The following MAP4K2 variants were observed in gnomAD, a reference collection of about 807,000 sequenced individuals.
The protein encoded by MAP4K2 is mitogen-activated protein kinase kinase kinase kinase 2.
Under a neutral mutation model 125.3 loss-of-function variants are expected in MAP4K2, and 85 were observed. The observed-to-expected ratio is 0.68, with a 90% confidence interval of 0.57 to 0.81. The LOEUF is 0.81. Among genes scored for constraint, MAP4K2 ranks in the 40% least tolerant of loss-of-function variants. The pLI is 0.00. For missense variants in MAP4K2, 923 were observed against 1,056.4 expected, an observed-to-expected ratio of 0.87 and a Z score of 1.75; for synonymous variants, 479 against 445.1, an observed-to-expected ratio of 1.08 and a Z score of -0.96.
At position 64,790,260 on chromosome 11, in the gene MAP4K2, C is replaced by T; in HGVS notation, c.2176G>A (p.Val726Ile). Reference protein sequence around the residue: ...LVSFERCVRIVNMQGEPTATL... With the variant: ...LVSFERCVRIINMQGEPTATL... The stretch of plus-strand genomic sequence containing the variant: ...GCCGTGGGCTCGCCCTGCATGTTGA[C>T]AATCCTCACACAGCCTGCACAGGGA... The change falls in exon 29 of 32, where the codon GTC becomes ATC. Residue 726 changes from valine (V) to isoleucine (I), a missense_variant. Around this residue, in one of 2 missense-constraint regions of MAP4K2, gnomAD observed 90 missense variants for 144.9 expected, o/e 0.62. Transcript: ENST00000294066. 1 of 1,614,158 alleles carries T rather than the reference C, an allele frequency of 6.2e-7. No homozygotes were observed. The highest frequency in any genetic ancestry group is 1.1e-5 in the South Asian group (1 of 91,084).
intron 24 of MAP4K2, 70 bp downstream of exon 24, chr11:64,796,203 T>C (rs1034168448): frequency 7.4e-7 from 1 of 1,356,670 alleles, no homozygotes; most frequent in Non-Finnish European, 1.0e-6. Context: ...TCCCAGGAAC[T>C]GGCAAGGCCA....
intron 24 of MAP4K2, among the ~76,000 whole-genome samples, chr11:64,795,304 A>T (rs2136042964): frequency 6.6e-6 from 1 of 151,552 alleles, no homozygotes; most frequent in Non-Finnish European, 1.5e-5. Flanking sequence ...GGCTGGTCGT[A>T]AACTCCTGAC....
intron 15 of MAP4K2, among the ~76,000 whole-genome samples, chr11:64,798,164 G>A (rs965957011): frequency 6.6e-6 from 1 of 150,760 alleles, no homozygotes; most frequent in Non-Finnish European, 1.5e-5. Flanking sequence ...GCTAACTTTT[G>A]TTTGTTTATT....
intron 24 of MAP4K2, among the ~76,000 whole-genome samples, chr11:64,794,659 C>T (rs753012963): frequency 1.3e-5 from 2 of 152,158 alleles, no homozygotes; most frequent in Non-Finnish European, 2.9e-5. Context: ...TGCCTGGCCC[C>T]CAGGCAAACT....
rs760268207 is a variant in MAP4K2, at chr11:64,803,169, C to G, written c.-20G>C. The G allele has an allele frequency of 5.9e-6, 7 of 1,190,864 alleles. No individual in the cohort carries two copies. The highest frequency in any genetic ancestry group is 5.2e-6 in the Non-Finnish European group (5 of 955,938). 73.8% of individuals were successfully genotyped at this position (1,190,864 alleles called of 1,614,324 possible). ...CGCCATGGCCCGGCGCCGGGCGGGC[C>G]GGCAGGCGGGCGGGCGCGAGCTGCG... On this transcript the variant is annotated 5_prime_UTR_variant, in exon 1 of 32. Coordinates refer to ENST00000294066, the MANE Select transcript of MAP4K2 (RefSeq NM_004579.5).
In MAP4K2 at chr11:64,797,927, G is replaced by A. The variant is rs548431635; in HGVS notation, c.1098-263C>T. On this transcript the variant is annotated intron_variant, in intron 15 of 31. Coordinates refer to ENST00000294066, the MANE Select transcript of MAP4K2 (RefSeq NM_004579.5). ...TCACCGTGTTAGCCAGGATGGTTTC[G>A]ATCTCCTGCCCTTGTGATCCGCCCA... is the stretch of plus-strand genomic sequence containing the variant. Among the ~76,000 whole-genome samples, 6 of 150,620 alleles carry A rather than the reference G, an allele frequency of 4.0e-5. No individual in the cohort carries two copies. The South Asian group carries it at 8.4e-4, about 21-fold the overall frequency.
chr11:64,790,092 G>C (rs1009660615), intron 29 of MAP4K2, 96 bp downstream of exon 29: 5 of 1,533,742 alleles, frequency 3.3e-6, no homozygotes, highest in Non-Finnish European at 4.5e-6. Context: ...GGGGCTAGGG[G>C]ATCTGCCTCC....
At position 64,786,545 on chromosome 11, in the gene MAP4K2, G is replaced by A. The variant is rs1940202823; in HGVS notation, c.*2992C>T. The A allele has an allele frequency of 6.6e-6, 1 of 152,162 alleles. No homozygotes were observed. Among genetic ancestry groups the A allele is most frequent in the Non-Finnish European group, 1.5e-5 (1 of 68,044 alleles). 9.4% of individuals were successfully genotyped at this position (152,162 alleles called of 1,614,324 possible). ...TTTCACCAGGATGACTCCGGGTATG[G>A]GCCAGTTACCTGAACATCCTGGGGG... On this transcript the variant is annotated 3_prime_UTR_variant, in exon 32 of 32. Coordinates refer to ENST00000294066, the MANE Select transcript of MAP4K2 (RefSeq NM_004579.5).
Position 64,792,405 on chromosome 11 carries a change from G to A in MAP4K2, c.1769C>T (p.Thr590Ile). Residue 590 changes from threonine to isoleucine, a missense_variant, in exon 25 of 32, where the codon ACC becomes ATC. Thr to Ile is a moderately conservative substitution (Grantham distance 89, BLOSUM62 -1). Around this residue, in one of 2 missense-constraint regions of MAP4K2, gnomAD observed 833 missense variants for 911.4 expected, o/e 0.91. Transcript: ENST00000294066. The part of the protein sequence containing the change: ...RIIPRRFALS[T>I]KIPDTKGCLQ... ...GCAGCCTTTGGTGTCAGGAATCTTG[G>A]TGGACAGAGCAAAGCGCCTGTAGGG... 6.3e-7 allele frequency: 1 copy of A among 1,589,002 alleles called. No homozygotes were observed. Among genetic ancestry groups the A allele is most frequent in the Non-Finnish European group, 8.6e-7 (1 of 1,167,932 alleles).
chr11:64,792,758 CAG>C, intron 24 of MAP4K2, among the ~76,000 whole-genome samples: 1 of 152,314 alleles, frequency 6.6e-6, no homozygotes, highest in Admixed American at 6.5e-5. Context: ...GGCCCCACCC[CAG>C]AGAGTCACAG....
intron 24 of MAP4K2, among the ~76,000 whole-genome samples, chr11:64,794,541 C>T (rs1940679256): frequency 6.6e-6 from 1 of 151,892 alleles, no homozygotes; most frequent in Non-Finnish European, 1.5e-5. Flanking sequence ...TGTATTTTTA[C>T]TAGGGACGGG....
At chr11:64,796,582 G>A in intron 22 of MAP4K2, 29 bp from the exon 23 acceptor site, 1 of 1,613,872 alleles carries the variant, frequency 6.2e-7, no homozygotes. Flanking sequence ...CAGATGGTCA[G>A]CACCCCAGGC....
At position 64,790,410 on chromosome 11, in the gene MAP4K2, G is replaced by A; in HGVS notation, c.2145C>T (p.Ile715=). 6.2e-7 allele frequency: 1 copy of A among 1,614,154 alleles called. No individual in the cohort carries two copies. The highest frequency in any genetic ancestry group is 2.2e-5 in the East Asian group (1 of 44,882). Residue 715 remains isoleucine (I), a synonymous_variant, in exon 28 of 32, where the codon ATC becomes ATT. Coordinates refer to ENST00000294066, the MANE Select transcript of MAP4K2 (RefSeq NM_004579.5). ...QQVIQVDRDT[I]LVSFERCVRI... ...GGCACTCACGTTCAAAGCTGACTAG[G>A]ATTGTGTCCCTGTCCACCTGGATCA...
intron 7 of MAP4K2, 146 bp downstream of exon 7, chr11:64,801,433 G>T: frequency 2.0e-6 from 2 of 976,844 alleles, no homozygotes; most frequent in Non-Finnish European, 3.1e-6. Flanking sequence ...TTCCAGCAGG[G>T]AGGGAGTACC....
In MAP4K2 at chr11:64,788,934, G is replaced by C. The variant is rs1427475051; in HGVS notation, c.*603C>G. 6.4e-6 allele frequency: 1 copy of C among 155,354 alleles called. No homozygotes were observed. Among genetic ancestry groups the C allele is most frequent in the Non-Finnish European group, 1.4e-5 (1 of 70,254 alleles). 9.6% of individuals were successfully genotyped at this position (155,354 alleles called of 1,614,324 possible). A position where few individuals can be genotyped will look rare whatever the true frequency, so the allele number is the denominator to read the frequency against. Reference sequence around the variant, plus strand: ...AGAGCCCTCAAACTGCAAAGCTGAGGGTCAGTTCTGAGCAAGGATGCAGGG... The same window carrying C: ...AGAGCCCTCAAACTGCAAAGCTGAGCGTCAGTTCTGAGCAAGGATGCAGGG... On this transcript the variant is annotated 3_prime_UTR_variant, in exon 32 of 32. Transcript: ENST00000294066.
chr11:64,800,980 T>G lies in MAP4K2; in HGVS notation c.582A>C (p.Leu194=). The G allele has an allele frequency of 6.2e-7, 1 of 1,613,966 alleles. No individual in the cohort carries two copies. The highest frequency in any genetic ancestry group is 1.1e-5 in the South Asian group (1 of 91,088). Residue 194 remains leucine (L), a synonymous_variant, in exon 9 of 32, where the codon CTA becomes CTC. Coordinates refer to ENST00000294066, the MANE Select transcript of MAP4K2 (RefSeq NM_004579.5). ...AVERKGGYNE[L]CDVWALGITA... is the part of the protein sequence containing the mutation. The stretch of plus-strand genomic sequence containing the variant: ...TGATGCCCAGGGCCCAGACGTCACA[T>G]AGCTCATTGTAGCCACCTTTGCGCT...
In MAP4K2 at chr11:64,797,334, G is replaced by C. The variant is rs373475538; in HGVS notation, c.1217C>G (p.Pro406Arg). The C allele has an allele frequency of 1.9e-6, 3 of 1,600,362 alleles. No homozygotes were observed. The highest frequency in any genetic ancestry group is 4.5e-5 in the East Asian group (2 of 44,314). ...DDTMGTIKRA[P>R]FLGPLPTDPP... is the part of the protein sequence containing the mutation. Reference sequence around the variant, plus strand: ...GTCAGTGGGGAGTGGCCCTAGGAACGGGGCCCGCTTGATGGTTCCCATGGT... The same window carrying C: ...GTCAGTGGGGAGTGGCCCTAGGAACCGGGCCCGCTTGATGGTTCCCATGGT... Residue 406 changes from proline to arginine, a missense_variant, in exon 18 of 32, where the codon CCG becomes CGG. This residue lies in a region of MAP4K2 where 833 missense variants were observed against 911.4 expected (regional missense o/e 0.91). Coordinates refer to ENST00000294066, the MANE Select transcript of MAP4K2 (RefSeq NM_004579.5).
At position 64,796,880 on chromosome 11, in the gene MAP4K2, A is replaced by C. The variant is rs1289075628; in HGVS notation, c.1421T>G (p.Phe474Cys). ...GGGGCAGCCATTGAAGACCTTGGAGAAGCAGGCGCCCATCTGCAGAGGAGG... is the reference window on the plus strand; with the variant it reads ...GGGGCAGCCATTGAAGACCTTGGAGCAGCAGGCGCCCATCTGCAGAGGAGG... ...PTPKVHMGAC[F>C]SKVFNGCPLR... The change falls in exon 21 of 32, where the codon TTC becomes TGC. Residue 474 changes from phenylalanine to cysteine, a missense_variant. Transcript: ENST00000294066. 6.2e-7 allele frequency: 1 copy of C among 1,613,936 alleles called. No individual in the cohort carries two copies.
chr11:64,789,111 C>T lies in MAP4K2; in HGVS notation c.*426G>A, dbSNP rs1342700789. ...AGGCGGGAGATGAGGTGGGTTCACT[C>T]CCCCTACCCAGAGGGACCAGAGGAC... On this transcript the variant is annotated 3_prime_UTR_variant, in exon 32 of 32. Transcript: ENST00000294066. The T allele has an allele frequency of 1.6e-5, 3 of 190,680 alleles. No homozygotes were observed. Among genetic ancestry groups the T allele is most frequent in the Non-Finnish European group, 3.3e-5 (3 of 90,872 alleles). The allele number at this position is 190,680 out of a possible 1,614,324, so 11.8% of individuals were successfully genotyped here.
Sources: gnomAD v4.1 joint callset for allele counts (sites outside exome capture counted in the v4.1 genomes callset) on GRCh38, gnomAD v4.1.1 for gene constraint, gnomAD v4.1.1 regional missense constraint, MANE v1.5 for transcripts, NCBI Gene and HGNC (gene_info 2026-07-23, HGNC 2026-07-21) for gene names.